TSBP1: variants seen among roughly 807,000 people sequenced by gnomAD.
The protein encoded by TSBP1 is testis expressed basic protein 1.
Under a neutral mutation model 68.8 loss-of-function variants are expected in TSBP1, and 56 were observed. The observed-to-expected ratio is 0.81, with a 90% CI of 0.66 to 1.02. TSBP1 has a LOEUF of 1.02. Ranked by LOEUF, TSBP1 falls within the 50% of genes least tolerant of loss-of-function variation. The pLI is 0.00. For missense variants in TSBP1, 502 were observed against 641.2 expected (o/e 0.78, Z 2.34); for synonymous variants, 171 against 208.7 (o/e 0.82, Z 1.56).
At chr6:32,300,578 G>A in intron 21 of TSBP1, 102 bp downstream of exon 24, 1 of 928,480 alleles carries the variant, frequency 1.1e-6, no homozygotes, top group Non-Finnish European at 1.8e-6. Flanking sequence ...AATATTGACT[G>A]CTGTAAGGTA....
rs961135556 is a variant in TSBP1, at chr6:32,324,717, C to T, written c.515-1103G>A. ...CAAAGATACTTTTTGTTACCCCTTTCTTGTTTCTTTTCCTACTCATTTTTT... is the reference window on the plus strand; with the variant it reads ...CAAAGATACTTTTTGTTACCCCTTTTTTGTTTCTTTTCCTACTCATTTTTT... On this transcript the variant is annotated intron_variant, in intron 16 of 22. Coordinates refer to ENST00000612031, the Ensembl canonical transcript of TSBP1. 4.1e-5 allele frequency: 64 copies of T among 1,549,922 alleles called. No individual in the cohort carries two copies. In the African/African-American group the frequency reaches 6.9e-4, roughly 17 times the overall value.
intron 8 of TSBP1, among the ~76,000 whole-genome samples, chr6:32,354,108 A>C (rs1487690482): frequency 6.6e-6 from 1 of 152,010 alleles, no homozygotes; most frequent in African/African-American, 2.4e-5. Context: ...GGGGAGAGTG[A>C]GTAGAGGCCT....
Position 32,340,476 on chromosome 6 carries a change from A to C in TSBP1, c.350-838T>G, listed in dbSNP as rs938651232. 1.1e-4 allele frequency among the ~76,000 whole-genome samples: 16 copies of C among 152,206 alleles called. No homozygotes were observed. Among genetic ancestry groups the C allele is most frequent in the African/African-American group, 3.9e-4 (16 of 41,450 alleles). On this transcript the variant is annotated intron_variant, in intron 9 of 22. Coordinates refer to ENST00000612031, the Ensembl canonical transcript of TSBP1. The surrounding 1 kb of genome is among the most constrained non-coding windows in gnomAD (Gnocchi z 4.8). ...TCACTGAACTGTCAGTTTCTTGAGAAGGTGAAGCCACTCCTACCACCAAAT... is the reference window on the plus strand; with the variant it reads ...TCACTGAACTGTCAGTTTCTTGAGACGGTGAAGCCACTCCTACCACCAAAT...
intron 6 of TSBP1, 159 bp downstream of exon 6, chr6:32,366,008 G>A (rs543981165): frequency 5.4e-5 from 61 of 1,136,988 alleles, no homozygotes; most frequent in Non-Finnish European, 5.5e-5. Context: ...GCCTCATAGC[G>A]TGATGGTGAA....
intron 19 of TSBP1, among the ~76,000 whole-genome samples, chr6:32,311,356 G>A (rs1277887558): frequency 6.6e-6 from 1 of 152,096 alleles, no homozygotes; most frequent in Non-Finnish European, 1.5e-5. Flanking sequence ...ATGCTTGGAT[G>A]GGGGGCAGAA....
chr6:32,322,390 G>C, intron 18 of TSBP1, 96 bp downstream of exon 20: 2 of 890,300 alleles, frequency 2.2e-6, no homozygotes, highest in Non-Finnish European at 3.7e-6. Flanking sequence ...TAATGTAGAA[G>C]CAAATGAATA....
chr6:32,355,999 T>G (rs1289501115), intron 6 of TSBP1, among the ~76,000 whole-genome samples: 1 of 152,210 alleles, frequency 6.6e-6, no homozygotes, highest in Admixed American at 6.5e-5. Context: ...GAATTCAAGT[T>G]CAGTGACAAT....
chr6:32,317,932 C>T (rs934896699), intron 18 of TSBP1, among the ~76,000 whole-genome samples: 7 of 152,006 alleles, frequency 4.6e-5, no homozygotes, highest in African/African-American at 1.4e-4. Context: ...AGCTACCATT[C>T]GACCCAGCAA....
chr6:32,355,315 A>G (rs1195032209), intron 7 of TSBP1, among the ~76,000 whole-genome samples, 171 bp from the exon 8 acceptor site: 2 of 152,192 alleles, frequency 1.3e-5, no homozygotes, highest in Admixed American at 6.5e-5. Context: ...CAGCTACTGC[A>G]TATGCTTTCC....
chr6:32,366,438 A>C (rs1554211727), intron 4 of TSBP1, 136 bp from the exon 5 acceptor site: 3 of 902,938 alleles, frequency 3.3e-6, no homozygotes, highest in Non-Finnish European at 5.4e-6. Flanking sequence ...AAAGAAAAAA[A>C]CATATTAACT....
At chr6:32,317,272 T>C (rs1445862121) in intron 18 of TSBP1, among the ~76,000 whole-genome samples, 1 of 152,180 alleles carries the variant, frequency 6.6e-6, no homozygotes, top group African/African-American at 2.4e-5. Flanking sequence ...AGATTGAAGC[T>C]GGACTCCTTC....
chr6:32,366,438 AC>A (rs757570709), intron 4 of TSBP1, 136 bp from the exon 5 acceptor site: 2 of 902,938 alleles, frequency 2.2e-6, no homozygotes, highest in South Asian at 1.4e-5. Flanking sequence ...AAAGAAAAAA[AC>A]ATATTAACTT....
At chr6:32,367,993 T>C (rs1583193488) in intron 3 of TSBP1, 36 bp from the exon 4 acceptor site, 1 of 1,491,338 alleles carries the variant, frequency 6.7e-7, no homozygotes, top group African/African-American at 1.9e-5. Context: ...TTTTGCTTCT[T>C]GATTATTAAA....
chr6:32,301,546 T>C (rs1164258526), intron 20 of TSBP1, among the ~76,000 whole-genome samples: 3 of 145,544 alleles, frequency 2.1e-5, no homozygotes, highest in Non-Finnish European at 3.0e-5. Flanking sequence ...GAGATCCCCA[T>C]CTCTGCAAAA....
chr6:32,317,879 T>C (rs1308432297), intron 18 of TSBP1, among the ~76,000 whole-genome samples: 1 of 152,136 alleles, frequency 6.6e-6, no homozygotes, highest in Non-Finnish European at 1.5e-5. Context: ...AGTTCAACCA[T>C]TGTGGGAAAC....
At chr6:32,309,438 G>C (rs911215902) in intron 19 of TSBP1, among the ~76,000 whole-genome samples, 2 of 151,816 alleles carry the variant, frequency 1.3e-5, no homozygotes, top group Non-Finnish European at 2.9e-5. Flanking sequence ...CTTTCACTGG[G>C]GACCTGTGTT....
At chr6:32,308,298 A>C (rs1248707720) in intron 19 of TSBP1, among the ~76,000 whole-genome samples, 2 of 142,912 alleles carry the variant, frequency 1.4e-5, no homozygotes, top group Non-Finnish European at 3.1e-5. Flanking sequence ...ACATATTTAG[A>C]CTTTTTTAAC....
In TSBP1 at chr6:32,300,697, T is replaced by C. The variant is rs747385443; in HGVS notation, c.605A>G (p.Asp202Gly). The C allele has an allele frequency of 3.8e-5, 61 of 1,612,494 alleles. 2 individuals carry two copies. In the Middle Eastern group the frequency reaches 2.0e-3, roughly 52 times the overall value. Residue 202 changes from aspartate to glycine, a missense_variant, in exon 21 of 23, where the codon GAC (aspartate) becomes GGC (glycine). Coordinates refer to ENST00000612031, the Ensembl canonical transcript of TSBP1. ...AAACTTACTGATTTTTCCAGAACTGTCCACTGAAAGAGATAAAGGCAAACA... is the reference window on the plus strand; with the variant it reads ...AAACTTACTGATTTTTCCAGAACTGCCCACTGAAAGAGATAAAGGCAAACA...
intron 9 of TSBP1, chr6:32,349,430 A>G (rs1771451313): frequency 3.7e-6 from 1 of 272,376 alleles, no homozygotes; most frequent in South Asian, 6.3e-5. Flanking sequence ...CCCTCATTCT[A>G]TATTATCTTC....
Sources: allele counts gnomAD v4.1 joint callset (sites outside exome capture counted in the v4.1 genomes callset), GRCh38; gene constraint gnomAD v4.1.1; non-coding constraint Gnocchi (gnomAD v3.1); transcripts MANE v1.5; gene names NCBI Gene and HGNC (gene_info 2026-07-23, HGNC 2026-07-21).